Variants in RBFOX1 observed in about 807,000 individuals in gnomAD.
The protein encoded by RBFOX1 is RNA binding fox-1 homolog 1.
RBFOX1 carries 8 observed loss-of-function variants against 57.7 expected under a neutral mutation model. The observed-to-expected ratio is 0.14, with a 90% CI of 0.08 to 0.25. The LOEUF (loss-of-function observed/expected upper bound fraction) is 0.25, where lower values mean the gene tolerates loss of function less well. Ranked by LOEUF, RBFOX1 falls within the 10% of genes least tolerant of loss-of-function variation. RBFOX1 has a pLI of 1.00. For missense variants in RBFOX1, 611 were observed against 548.5 expected (o/e 1.11, Z -1.14); for synonymous variants, 326 against 222.4 (o/e 1.47, Z -4.15).
chr16:5,894,869 A>C lies in RBFOX1; in HGVS notation c.351+27534A>C, dbSNP rs149954262. Among the ~76,000 whole-genome samples the C allele has an allele frequency of 4.7e-5, 7 of 148,586 alleles. No individual in the cohort carries two copies. The East Asian group carries it at 1.3e-3, about 27-fold the overall frequency. ...ACCCCGTCTCTACTAAAAATACAAA[A>C]ATATTAGCTACGCATGGTGGCAGGT... On this transcript the variant is annotated intron_variant, in intron 4 of 19. Transcript: ENST00000641259.
chr16:5,351,323 C>A (rs944263347), intron 1 of RBFOX1, among the ~76,000 whole-genome samples: 4 of 152,210 alleles, frequency 2.6e-5, no homozygotes, highest in African/African-American at 9.6e-5. Flanking sequence ...CGTCTTCTAA[C>A]TACTCTAGAA....
intron 11 of RBFOX1, among the ~76,000 whole-genome samples, chr16:7,643,846 C>A (rs2063263878): frequency 6.6e-6 from 1 of 152,266 alleles, no homozygotes; most frequent in South Asian, 2.1e-4. Context: ...AAGTATCTAA[C>A]AGAAGAAATG....
intron 4 of RBFOX1, among the ~76,000 whole-genome samples, chr16:7,246,953 C>G (rs887555969): frequency 6.6e-6 from 1 of 152,164 alleles, no homozygotes; most frequent in African/African-American, 2.4e-5. Flanking sequence ...AGAACAGTGT[C>G]TCCCACATTA....
At chr16:6,415,421 C>T (rs964951624) in intron 2 of RBFOX1, among the ~76,000 whole-genome samples, 2 of 151,830 alleles carry the variant, frequency 1.3e-5, no homozygotes, top group Admixed American at 6.6e-5. Context: ...CTGGGCCGGG[C>T]GTGGTGGCTC....
At chr16:7,666,188 C>T (rs967857844) in intron 13 of RBFOX1, among the ~76,000 whole-genome samples, 1 of 152,136 alleles carries the variant, frequency 6.6e-6, no homozygotes, top group Non-Finnish European at 1.5e-5. Context: ...TCCTCAGGCA[C>T]CTGCTAAACC....
At chr16:6,346,620 G>C (rs781211703) in intron 2 of RBFOX1, among the ~76,000 whole-genome samples, 1 of 152,210 alleles carries the variant, frequency 6.6e-6, no homozygotes, top group Admixed American at 6.5e-5. Flanking sequence ...TCCGATGGCA[G>C]CCTGATTCTC....
intron 4 of RBFOX1, among the ~76,000 whole-genome samples, chr16:7,077,491 T>A (rs577520101): frequency 6.6e-6 from 1 of 152,162 alleles, no homozygotes; most frequent in African/African-American, 2.4e-5. Flanking sequence ...ATTAGTAAGA[T>A]CATAAACATG....
At chr16:7,090,222 G>T (rs1483549197) in intron 4 of RBFOX1, among the ~76,000 whole-genome samples, 2 of 152,148 alleles carry the variant, frequency 1.3e-5, no homozygotes, top group Admixed American at 6.5e-5. Context: ...AAGAGACAAG[G>T]AGAGACAATA....
intron 1 of RBFOX1, among the ~76,000 whole-genome samples, chr16:5,303,561 T>C (rs1428424405): frequency 1.3e-5 from 2 of 152,136 alleles, no homozygotes; most frequent in East Asian, 3.9e-4. Flanking sequence ...GCCAGTGTTT[T>C]AGATAAACTT....
intron 2 of RBFOX1, among the ~76,000 whole-genome samples, chr16:6,616,081 G>T (rs1053238951): frequency 4.6e-5 from 7 of 152,190 alleles, no homozygotes; most frequent in South Asian, 2.1e-4. Flanking sequence ...CTGTGCAGCA[G>T]ATGAGGACAG....
Position 7,052,395 on chromosome 16 carries a change from C to G in RBFOX1, c.27+297C>G, listed in dbSNP as rs80242328. The stretch of plus-strand genomic sequence containing the variant: ...ACTCTTTTTATGTACAACACGAGGT[C>G]TAAGTAATAACAAAGGTCAAAAGGA... On this transcript the variant is annotated intron_variant, in intron 4 of 15. Transcript: ENST00000550418. Among the ~76,000 whole-genome samples, 716 of 152,258 alleles carry G rather than the reference C, an allele frequency of 4.7e-3. 4 individuals are homozygous for G. The highest frequency in any genetic ancestry group is 0.016 in the African/African-American group (679 of 41,546).
intron 1 of RBFOX1, among the ~76,000 whole-genome samples, chr16:6,170,517 A>T (rs989981329): frequency 2.6e-5 from 4 of 152,222 alleles, no homozygotes; most frequent in Non-Finnish European, 5.9e-5. Flanking sequence ...ATTGTATTCC[A>T]TGTCAAAGCA....
chr16:5,594,056 G>A (rs1449025152), intron 2 of RBFOX1, among the ~76,000 whole-genome samples: 1 of 151,958 alleles, frequency 6.6e-6, no homozygotes, highest in African/African-American at 2.4e-5. Flanking sequence ...TTGGAGCTTT[G>A]CACAATGTTG....
Position 7,088,827 on chromosome 16 carries a change from C to T in RBFOX1, c.27+36729C>T, listed in dbSNP as rs192642801. Among the ~76,000 whole-genome samples, 22 of 152,196 alleles carry T rather than the reference C, an allele frequency of 1.4e-4. No homozygotes were observed. In the South Asian group the frequency reaches 2.7e-3, roughly 19 times the overall value. On this transcript the variant is annotated intron_variant, in intron 4 of 15. Coordinates refer to ENST00000550418, the MANE Select transcript of RBFOX1 (RefSeq NM_018723.4). ...CTTTGCCAAGGGAGGGAGGCGTTTT[C>T]GAGGTTCAACTCAACCTCTGTCTTT...
intron 4 of RBFOX1, among the ~76,000 whole-genome samples, chr16:7,302,507 C>G (rs528406370): frequency 1.1e-4 from 17 of 152,080 alleles, no homozygotes; most frequent in Non-Finnish European, 2.1e-4. Flanking sequence ...TGTGAGAGAG[C>G]CCCCATCCCC....
intron 4 of RBFOX1, among the ~76,000 whole-genome samples, chr16:7,366,065 G>T (rs1248025777): frequency 1.3e-5 from 2 of 152,160 alleles, no homozygotes; most frequent in African/African-American, 4.8e-5. Flanking sequence ...GAGGTCCAGG[G>T]CTCATCACTG....
chr16:7,277,530 A>G (rs374447527), intron 4 of RBFOX1, among the ~76,000 whole-genome samples: 7 of 152,152 alleles, frequency 4.6e-5, no homozygotes, highest in African/African-American at 1.7e-4. Flanking sequence ...AATTGAACCT[A>G]GATGTTCATA....
intron 2 of RBFOX1, among the ~76,000 whole-genome samples, chr16:6,524,847 T>G (rs79476911): frequency 6.6e-6 from 1 of 152,180 alleles, no homozygotes; most frequent in African/African-American, 2.4e-5. Context: ...TGTCTGAGTC[T>G]ATGTGTCTCC....
chr16:5,697,025 G>A (rs754973893), intron 3 of RBFOX1, among the ~76,000 whole-genome samples: 22 of 152,106 alleles, frequency 1.4e-4, no homozygotes, highest in Middle Eastern at 3.2e-3. Flanking sequence ...CAATTCTCAT[G>A]CCTCAGCCTC....
Sources: gnomAD v4.1 joint callset for allele counts (sites outside exome capture counted in the v4.1 genomes callset) on GRCh38, gnomAD v4.1.1 for gene constraint, MANE v1.5 for transcripts, NCBI Gene and HGNC (gene_info 2026-07-23, HGNC 2026-07-21) for gene names.